The following TRMT44 variants were observed in gnomAD, a reference collection of about 807,000 sequenced individuals.
The protein encoded by TRMT44 is probable tRNA (uracil-O(2)-)-methyltransferase.
A neutral mutation model predicts 77.3 loss-of-function variants in TRMT44; 78 were observed. That is an observed-to-expected ratio of 1.01 (90% CI 0.84 to 1.22). The LOEUF is 1.22. TRMT44 is among the 50% of genes most tolerant of loss of function. The pLI, the probability that TRMT44 is intolerant of heterozygous loss-of-function variation, is 0.00. For missense variants in TRMT44, 1,090 were observed against 964.4 expected (o/e 1.13, Z -1.73); for synonymous variants, 391 against 383.3 (o/e 1.02, Z -0.23).
At chr4:8,459,312 G>A (rs1331582037) in intron 6 of TRMT44, among the ~76,000 whole-genome samples, 1 of 152,202 alleles carries the variant, frequency 6.6e-6, no homozygotes, top group Non-Finnish European at 1.5e-5. Context: ...GTCATCCAGT[G>A]CTGTGTGTGG....
At position 8,476,293 on chromosome 4, in the gene TRMT44, C is replaced by T; in HGVS notation, c.*292C>T. 2.3e-6 allele frequency: 1 copy of T among 444,386 alleles called. No homozygotes were observed. Among genetic ancestry groups the T allele is most frequent in the South Asian group, 2.5e-5 (1 of 40,178 alleles). The allele number at this position is 444,386 out of a possible 1,614,324, so 27.5% of individuals were successfully genotyped here. A position where few individuals can be genotyped will look rare whatever the true frequency, so the allele number is the denominator to read the frequency against. On this transcript the variant is annotated 3_prime_UTR_variant, in exon 11 of 11. Coordinates refer to ENST00000389737, the MANE Select transcript of TRMT44 (RefSeq NM_152544.3). ...TGTGCACGGATCCTTACAATGTCTC[C>T]TGGGGGAGAGCGGCTGAGGCTGCCT... is the stretch of plus-strand genomic sequence containing the variant.
chr4:8,469,247 C>T (rs954465894), intron 9 of TRMT44, among the ~76,000 whole-genome samples: 10 of 145,710 alleles, frequency 6.9e-5, no homozygotes, highest in African/African-American at 2.7e-4. Context: ...AGCAGAGCCT[C>T]TAGCCATCTG....
intron 6 of TRMT44, among the ~76,000 whole-genome samples, chr4:8,458,612 G>T (rs1410698509): frequency 4.0e-5 from 6 of 151,440 alleles, no homozygotes; most frequent in Non-Finnish European, 8.8e-5. Context: ...CCACCATCAT[G>T]CCCAGCTATT....
At chr4:8,466,198 CAG>C (rs767526715) in intron 8 of TRMT44, among the ~76,000 whole-genome samples, 1 of 152,256 alleles carries the variant, frequency 6.6e-6, no homozygotes, top group Non-Finnish European at 1.5e-5. Context: ...GGCTGGCAGA[CAG>C]TGTGCTTTTA....
chr4:8,491,673 T>C (rs1055021085), intron 2 of TRMT44, among the ~76,000 whole-genome samples: 2 of 152,194 alleles, frequency 1.3e-5, no homozygotes, highest in African/African-American at 4.8e-5. Context: ...CCTCACTGCC[T>C]GGGGCCAGCA....
At chr4:8,506,657 G>A in the TRMT44 span, among the ~76,000 whole-genome samples, 2 of 152,226 alleles carry the variant, frequency 1.3e-5, no homozygotes, top group Admixed American at 1.3e-4. Context: ...CAAGTGCTAC[G>A]TGTGCACTTC....
At chr4:8,466,575 A>T (rs549446992) in intron 8 of TRMT44, among the ~76,000 whole-genome samples, 1 of 152,352 alleles carries the variant, frequency 6.6e-6, no homozygotes, top group Non-Finnish European at 1.5e-5. Context: ...CTCGCTGCTG[A>T]ACCGTCCCGT....
chr4:8,446,891 G>C lies in TRMT44; in HGVS notation c.734+301G>C, dbSNP rs1162995870. On this transcript the variant is annotated intron_variant, in intron 2 of 10. Transcript: ENST00000389737. The surrounding 1 kb of genome is among the most constrained non-coding windows in gnomAD (Gnocchi z 4.3). ...AAACTCAAATTTCTTTATTGTTATT[G>C]TTATTATTATTATTGAGACAGTCTT... Among the ~76,000 whole-genome samples the C allele has an allele frequency of 6.6e-6, 1 of 152,060 alleles. No homozygotes were observed. The highest frequency in any genetic ancestry group is 2.4e-5 in the African/African-American group (1 of 41,382).
At chr4:8,496,000 C>T (rs1310792469), downstream of TRMT44, among the ~76,000 whole-genome samples, 2 of 152,214 alleles carry the variant, frequency 1.3e-5, no homozygotes, top group Admixed American at 6.5e-5. Flanking sequence ...GCCGCTACTT[C>T]ATTTGCATAG....
At chr4:8,487,137 T>G (rs1227350853) in intron 2 of TRMT44, among the ~76,000 whole-genome samples, 1 of 152,160 alleles carries the variant, frequency 6.6e-6, no homozygotes, top group African/African-American at 2.4e-5. Flanking sequence ...TCTTGCAGGA[T>G]GGAAAAATTG....
At position 8,441,229 on chromosome 4, in the gene TRMT44, AC is replaced by A. The variant is rs1159614636; in HGVS notation, c.408del (p.Phe137SerfsTer67). On this transcript the variant is annotated frameshift_variant, in exon 1 of 11. Coordinates refer to ENST00000389737, the MANE Select transcript of TRMT44 (RefSeq NM_152544.3). LOFTEE classifies it high-confidence loss of function. ...GGCCATGCTGAAGGAAGGGAGGGCG[AC>A]TTCCCCGCCGCAGATCTGGATTCGC... ...HPGHAEGREG[D>X]FPAADLDSLW... 1.3e-6 allele frequency: 2 copies of A among 1,535,502 alleles called. No homozygotes were observed. Among genetic ancestry groups the A allele is most frequent in the Admixed American group, 3.9e-5 (2 of 50,962 alleles).
At chr4:8,510,044 G>A in the TRMT44 span, among the ~76,000 whole-genome samples, 5 of 152,114 alleles carry the variant, frequency 3.3e-5, no homozygotes, top group Admixed American at 6.5e-5. Context: ...AGCGAGATCC[G>A]GGCTGGACGT....
intron 6 of TRMT44, among the ~76,000 whole-genome samples, chr4:8,459,641 C>T (rs956024871): frequency 3.3e-5 from 5 of 152,152 alleles, no homozygotes; most frequent in South Asian, 2.1e-4. Context: ...TAATGCTTTT[C>T]GAAAAGGTCC....
At chr4:8,457,731 G>T (rs183434672) in intron 6 of TRMT44, among the ~76,000 whole-genome samples, 163 of 152,330 alleles carry the variant, frequency 1.1e-3, no homozygotes, top group African/African-American at 3.7e-3. Flanking sequence ...GTGTCCAGAT[G>T]TTGGCCTGAC....
At chr4:8,487,226 C>T (rs988537664) in intron 2 of TRMT44, among the ~76,000 whole-genome samples, 1 of 152,034 alleles carries the variant, frequency 6.6e-6, no homozygotes, top group East Asian at 1.9e-4. Context: ...GAAAATAAGG[C>T]ATTTAGGTTT....
chr4:8,462,025 A>G (rs1726186989), intron 6 of TRMT44, among the ~76,000 whole-genome samples: 1 of 152,262 alleles, frequency 6.6e-6, no homozygotes, highest in Non-Finnish European at 1.5e-5. Flanking sequence ...GTTTATAACA[A>G]CAGCCTGGTG....
intron 5 of TRMT44, 91 bp from the exon 6 acceptor site, chr4:8,454,651 C>A: frequency 8.0e-7 from 1 of 1,243,494 alleles, no homozygotes; most frequent in Non-Finnish European, 1.2e-6. Context: ...CTTCGTCCTG[C>A]TGGCAGTGCC....
At chr4:8,493,717 T>C (rs1728078958), downstream of TRMT44, among the ~76,000 whole-genome samples, 2 of 152,094 alleles carry the variant, frequency 1.3e-5, no homozygotes, top group South Asian at 4.2e-4. Context: ...GCGCAGCGGA[T>C]CCTTTTGGCC....
At chr4:8,501,390 C>T in the TRMT44 span, among the ~76,000 whole-genome samples, 1 of 152,144 alleles carries the variant, frequency 6.6e-6, no homozygotes, top group Non-Finnish European at 1.5e-5. This position sits in a 1 kb window ranked among gnomAD's most constrained non-coding sequence, Gnocchi z 4.4. Context: ...ACCGGATGTC[C>T]TGGGTTCAAA....
Sources: gnomAD v4.1 joint callset for allele counts (sites outside exome capture counted in the v4.1 genomes callset) on GRCh38, gnomAD v4.1.1 for gene constraint, Gnocchi (gnomAD v3.1) non-coding constraint, MANE v1.5 for transcripts, NCBI Gene and HGNC (gene_info 2026-07-23, HGNC 2026-07-21) for gene names.